The following BBS9 variants were observed in gnomAD, a reference collection of about 807,000 sequenced individuals.
The protein encoded by BBS9 is Bardet-Biedl syndrome 9.
In BBS9, 89 loss-of-function variants were observed where a neutral mutation model predicts 117.7. The ratio of observed to expected loss-of-function variants is 0.76; its 90% CI spans 0.64 to 0.90. The LOEUF is 0.90. Among genes scored for constraint, BBS9 ranks in the 40% least tolerant of loss-of-function variants. BBS9 has a pLI of 0.00. For synonymous variants in BBS9, 379 were observed against 370.9 expected (o/e 1.02, Z -0.25); for missense variants, 982 against 1,042.2 (o/e 0.94, Z 0.80).
At chr7:33,241,448 T>G (rs1410060332) in intron 5 of BBS9, among the ~76,000 whole-genome samples, 2 of 152,210 alleles carry the variant, frequency 1.3e-5, no homozygotes, top group Non-Finnish European at 2.9e-5. Flanking sequence ...AAAACTGGAT[T>G]AGCATTGGTG....
downstream of BBS9, among the ~76,000 whole-genome samples, chr7:33,607,188 G>A (rs143349820): frequency 6.6e-6 from 1 of 152,190 alleles, no homozygotes; most frequent in African/African-American, 2.4e-5. Flanking sequence ...GTATCAAAAG[G>A]TCAACTAATC....
intron 5 of BBS9, among the ~76,000 whole-genome samples, chr7:33,212,377 T>C (rs955805587): frequency 6.6e-6 from 1 of 152,224 alleles, no homozygotes; most frequent in Non-Finnish European, 1.5e-5. Context: ...GTATTTCAGT[T>C]GTATTTTTCA....
intron 16 of BBS9, among the ~76,000 whole-genome samples, chr7:33,365,098 C>CT (rs929777801): frequency 9.1e-4 from 136 of 148,648 alleles, no homozygotes; most frequent in African/African-American, 3.1e-3. Context: ...TTTCTTTTTT[C>CT]TTTTTTTTCC....
chr7:33,411,009 GTGTTTT>G (rs1165594513), intron 19 of BBS9, among the ~76,000 whole-genome samples: 3 of 91,590 alleles, frequency 3.3e-5, no homozygotes, highest in African/African-American at 1.1e-4. Context: ...TAAAATGTTG[GTGTTTT>G]TTTTTTTTTT....
At chr7:33,566,711 T>C (rs188015855) in intron 21 of BBS9, among the ~76,000 whole-genome samples, 59 of 151,852 alleles carry the variant, frequency 3.9e-4, no homozygotes, top group Non-Finnish European at 7.5e-4. Context: ...ACTGTATGTA[T>C]ACAGTGCATT....
intron 19 of BBS9, among the ~76,000 whole-genome samples, chr7:33,416,828 A>C (rs1441580709): frequency 6.6e-6 from 1 of 152,158 alleles, no homozygotes; most frequent in Non-Finnish European, 1.5e-5. Flanking sequence ...CCTTTTAGTG[A>C]GCAAAAAATG....
chr7:33,418,690 C>G (rs891318513), intron 19 of BBS9, among the ~76,000 whole-genome samples: 5 of 152,140 alleles, frequency 3.3e-5, no homozygotes, highest in African/African-American at 1.2e-4. Flanking sequence ...CTTGTAGCCA[C>G]CTTGCTGGTT....
chr7:33,261,142 A>G (rs561374415), intron 6 of BBS9, among the ~76,000 whole-genome samples: 3 of 150,560 alleles, frequency 2.0e-5, no homozygotes, highest in Admixed American at 2.0e-4. Flanking sequence ...CGTGGAAATT[A>G]TGTCTAGAAG....
rs1235562478 is a variant in BBS9 at position 33,146,242 on chromosome 7, T to C, written c.-11T>C. The C allele has an allele frequency of 2.5e-6, 4 of 1,574,446 alleles. No homozygotes were observed. Among genetic ancestry groups the C allele is most frequent in the Non-Finnish European group, 2.6e-6 (3 of 1,144,082 alleles). On this transcript the variant is annotated splice_region_variant and 5_prime_UTR_variant, in exon 2 of 23. Transcript: ENST00000242067. ...ATTATTATAAATGTTTTCTTTTTAG[T>C]GTGAAAGAAAATGTCTTTATTTAAA... is the stretch of plus-strand genomic sequence containing the variant.
At position 33,357,966 on chromosome 7, in the gene BBS9, C is replaced by T; in HGVS notation, c.1664C>T (p.Ser555Phe). The T allele has an allele frequency of 6.2e-7, 1 of 1,612,538 alleles. No individual in the cohort carries two copies. The highest frequency in any genetic ancestry group is 1.1e-5 in the South Asian group (1 of 91,052). Reference protein sequence around the residue: ...SHKITIDTNKSPVSLLSLFPG... With the variant: ...SHKITIDTNKFPVSLLSLFPG... ...AAAATTACTATTGATACCAACAAAT[C>T]TCCAGTCAGTCTTCTTAGTCTCTTC... The change falls in exon 16 of 23, where the codon TCT becomes TTT. Residue 555 changes from serine to phenylalanine, a missense_variant. Coordinates refer to ENST00000242067, the MANE Select transcript of BBS9 (RefSeq NM_198428.3).
chr7:33,408,083 G>A (rs1196518054), intron 19 of BBS9, among the ~76,000 whole-genome samples: 2 of 152,228 alleles, frequency 1.3e-5, no homozygotes, highest in Non-Finnish European at 2.9e-5. Flanking sequence ...GCTGTGGTGG[G>A]CTCCACCCAG....
chr7:33,466,897 GA>G (rs1207458020), intron 19 of BBS9, among the ~76,000 whole-genome samples: 1 of 152,216 alleles, frequency 6.6e-6, no homozygotes, highest in African/African-American at 2.4e-5. Flanking sequence ...TGGAGGGAGA[GA>G]GTGGTATACA....
chr7:33,282,322 G>A (rs532303330), intron 9 of BBS9, among the ~76,000 whole-genome samples: 17 of 152,070 alleles, frequency 1.1e-4, no homozygotes, highest in East Asian at 1.9e-4. Context: ...CTCTACACAC[G>A]TGCAAATTTA....
intron 19 of BBS9, among the ~76,000 whole-genome samples, chr7:33,429,766 C>T (rs1834166802): frequency 6.6e-6 from 1 of 151,986 alleles, no homozygotes; most frequent in Non-Finnish European, 1.5e-5. Flanking sequence ...TTTATAGATA[C>T]TCTGTAATTT....
intron 9 of BBS9, among the ~76,000 whole-genome samples, chr7:33,286,252 C>T (rs764042): frequency 2.2e-4 from 33 of 152,064 alleles, no homozygotes; most frequent in East Asian, 1.7e-3. Flanking sequence ...TAATTTATAC[C>T]GGTAGGAAAA....
At chr7:33,230,829 A>C (rs1399179488) in intron 5 of BBS9, among the ~76,000 whole-genome samples, 2 of 152,144 alleles carry the variant, frequency 1.3e-5, no homozygotes, top group African/African-American at 4.8e-5. Context: ...ATTGATAGGG[A>C]CTTAGGTTGA....
intron 17 of BBS9, among the ~76,000 whole-genome samples, chr7:33,379,613 T>C (rs371523942): frequency 6.6e-6 from 1 of 152,204 alleles, no homozygotes; most frequent in South Asian, 2.1e-4. Context: ...AGAAAACATA[T>C]TTTATTAAAG....
chr7:33,627,701 C>T (rs545738736), intron 21 of BBS9, among the ~76,000 whole-genome samples: 3 of 152,126 alleles, frequency 2.0e-5, no homozygotes, highest in East Asian at 1.9e-4. Flanking sequence ...ACCACAAAGC[C>T]GATAGTGATC....
chr7:33,201,809 T>C (rs1785916794), intron 5 of BBS9, among the ~76,000 whole-genome samples: 1 of 152,194 alleles, frequency 6.6e-6, no homozygotes, highest in Non-Finnish European at 1.5e-5. Flanking sequence ...GTAATGTTTC[T>C]AGAAAATATT....
Sources: gnomAD v4.1 joint callset for allele counts (sites outside exome capture counted in the v4.1 genomes callset) on GRCh38, gnomAD v4.1.1 for gene constraint, MANE v1.5 for transcripts, NCBI Gene and HGNC (gene_info 2026-07-23, HGNC 2026-07-21) for gene names.